Variants in GABRA2 observed in about 807,000 individuals in gnomAD.
The protein encoded by GABRA2 is gamma-aminobutyric acid type A receptor subunit alpha2.
Under a neutral mutation model 48.7 loss-of-function variants are expected in GABRA2, and 16 were observed. The ratio of observed to expected loss-of-function variants is 0.33; its 90% CI spans 0.22 to 0.50. GABRA2 has a LOEUF of 0.50. Ranked by LOEUF, GABRA2 falls within the 20% of genes least tolerant of loss-of-function variation. The pLI is 0.98. For synonymous variants in GABRA2, 185 were observed against 184.5 expected (o/e 1.00, Z -0.02); for missense variants, 275 against 535.6 (o/e 0.51, Z 4.80).
intron 2 of GABRA2, among the ~76,000 whole-genome samples, chr4:46,388,224 A>G (rs942937897): frequency 2.0e-5 from 3 of 152,128 alleles, no homozygotes; most frequent in Non-Finnish European, 4.4e-5. Flanking sequence ...ACCATTAAAA[A>G]AAGAAAAGAA....
intron 4 of GABRA2, among the ~76,000 whole-genome samples, chr4:46,332,278 T>C (rs975436981): frequency 6.6e-6 from 1 of 152,176 alleles, no homozygotes; most frequent in Admixed American, 6.6e-5. Flanking sequence ...TGTGAAACTA[T>C]ATTCACTTTC....
intron 5 of GABRA2, among the ~76,000 whole-genome samples, chr4:46,312,184 G>C (rs1727754759): frequency 6.6e-6 from 1 of 151,964 alleles, no homozygotes; most frequent in African/African-American, 2.4e-5. Flanking sequence ...ATTATATGTT[G>C]ATACAAGTAA....
intron 4 of GABRA2, among the ~76,000 whole-genome samples, chr4:46,317,956 A>C (rs1174746235): frequency 6.6e-6 from 1 of 151,686 alleles, no homozygotes; most frequent in Non-Finnish European, 1.5e-5. Context: ...AAAAATCTGG[A>C]ACACAAAGAC....
chr4:46,344,192 A>G (rs1733764585), intron 3 of GABRA2, among the ~76,000 whole-genome samples: 1 of 152,038 alleles, frequency 6.6e-6, no homozygotes, highest in Non-Finnish European at 1.5e-5. Flanking sequence ...GCTAGAAAAT[A>G]GCATACAGAG....
intron 3 of GABRA2, among the ~76,000 whole-genome samples, chr4:46,374,599 G>A (rs772851371): frequency 9.2e-5 from 14 of 151,884 alleles, no homozygotes; most frequent in African/African-American, 2.9e-4. Flanking sequence ...CCATTATATC[G>A]AAATACTCAT....
intron 8 of GABRA2, among the ~76,000 whole-genome samples, chr4:46,282,608 C>G (rs1721749603): frequency 6.6e-6 from 1 of 152,162 alleles, no homozygotes; most frequent in African/African-American, 2.4e-5. Flanking sequence ...GTCAAAGAAG[C>G]TGGATTCCTG....
chr4:46,376,116 G>T (rs931806980), intron 3 of GABRA2, among the ~76,000 whole-genome samples: 3 of 152,002 alleles, frequency 2.0e-5, no homozygotes, highest in East Asian at 3.9e-4. Flanking sequence ...TTTATATCCT[G>T]CAGAGTAGAG....
chr4:46,307,440 GT>G (rs34790075), intron 6 of GABRA2, among the ~76,000 whole-genome samples: 5,936 of 144,388 alleles, frequency 0.041, 212 homozygotes, highest in African/African-American at 0.098. Flanking sequence ...AAATTATGAA[GT>G]TTTTTTTTTT....
At chr4:46,357,924 C>G (rs915654333) in intron 3 of GABRA2, among the ~76,000 whole-genome samples, 4 of 152,002 alleles carry the variant, frequency 2.6e-5, no homozygotes, top group Admixed American at 2.0e-4. Context: ...TCCTAAAGTT[C>G]TGGGATTACA....
At chr4:46,388,498 A>G (rs1309144496) in intron 2 of GABRA2, 138 bp downstream of exon 2, 3 of 978,638 alleles carry the variant, frequency 3.1e-6, no homozygotes, top group Non-Finnish European at 3.1e-6. Flanking sequence ...CTATTACTTC[A>G]TAGTTCACTT....
intron 8 of GABRA2, among the ~76,000 whole-genome samples, chr4:46,275,316 C>A (rs1720270615): frequency 6.6e-6 from 1 of 152,106 alleles, no homozygotes; most frequent in South Asian, 2.1e-4. Flanking sequence ...CTTAACCAAT[C>A]TCTTGCAAGA....
At chr4:46,360,179 A>C (rs574246357) in intron 3 of GABRA2, among the ~76,000 whole-genome samples, 3 of 152,338 alleles carry the variant, frequency 2.0e-5, no homozygotes, top group African/African-American at 7.2e-5. Context: ...AGGTATATAC[A>C]TAAGACCAAA....
At chr4:46,319,801 G>A (rs891806858) in intron 4 of GABRA2, among the ~76,000 whole-genome samples, 1 of 151,550 alleles carries the variant, frequency 6.6e-6, no homozygotes, top group South Asian at 2.1e-4. Context: ...TTTAACAGAA[G>A]ATAATTAAAA....
intron 8 of GABRA2, among the ~76,000 whole-genome samples, chr4:46,299,786 CT>C (rs1725418847): frequency 6.7e-6 from 1 of 148,496 alleles, no homozygotes; most frequent in African/African-American, 2.5e-5. Context: ...CTTACTCTTT[CT>C]TGATCCCTCC....
At chr4:46,348,683 C>T (rs532500916) in intron 3 of GABRA2, among the ~76,000 whole-genome samples, 1 of 148,934 alleles carries the variant, frequency 6.7e-6, no homozygotes, top group Non-Finnish European at 1.5e-5. Flanking sequence ...GGACAAAAAA[C>T]CAAACACCGC....
At chr4:46,289,820 T>C (rs999082775) in intron 8 of GABRA2, among the ~76,000 whole-genome samples, 5 of 152,176 alleles carry the variant, frequency 3.3e-5, no homozygotes, top group African/African-American at 1.2e-4. Context: ...CAGGCTGCTT[T>C]GATTACTGTA....
intron 3 of GABRA2, among the ~76,000 whole-genome samples, chr4:46,372,463 A>AGAAGGAAACACTAAGG (rs1344744216): frequency 7.2e-5 from 11 of 152,156 alleles, no homozygotes; most frequent in African/African-American, 2.7e-4. Flanking sequence ...AAGCATAAAG[A>AGAAGGAAACACTAAGG]GAAGGAAACA....
chr4:46,265,545 G>T (rs1272038474), intron 8 of GABRA2, among the ~76,000 whole-genome samples: 1 of 142,620 alleles, frequency 7.0e-6, no homozygotes, highest in African/African-American at 2.8e-5. Flanking sequence ...CTTCTTTCCT[G>T]ATTTTAGTAA....
In GABRA2 at chr4:46,305,595, C is replaced by T. The variant is rs1200262867; in HGVS notation, c.676G>A (p.Gly226Arg). 2.5e-6 allele frequency: 4 copies of T among 1,613,648 alleles called. No individual in the cohort carries two copies. The highest frequency in any genetic ancestry group is 3.4e-6 in the Non-Finnish European group (4 of 1,179,886). Residue 226 changes from glycine (G) to arginine (R), a missense_variant, in exon 7 of 10, where the codon GGA becomes AGA. Around this residue, in one of 4 missense-constraint regions of GABRA2, gnomAD observed 113 missense variants for 257.1 expected, o/e 0.44. Transcript: ENST00000381620. ...NQYDLLGQSI[G>R]KETIKSSTGE... ...GTACTGGATTTAATTGTCTCCTTTC[C>T]GATTGATTGGCCCAGCAGGTCATAT...
Sources: allele counts gnomAD v4.1 joint callset (sites outside exome capture counted in the v4.1 genomes callset), GRCh38; gene constraint gnomAD v4.1.1; regional missense constraint gnomAD v4.1.1; transcripts MANE v1.5; gene names NCBI Gene and HGNC (gene_info 2026-07-23, HGNC 2026-07-21).